The following DLG2 variants were observed in gnomAD, a reference collection of about 807,000 sequenced individuals.
DLG2 encodes the protein discs large MAGUK scaffold protein 2, also known as disks large homolog 2.
A neutral mutation model predicts 132.5 loss-of-function variants in DLG2; 45 were observed. The ratio of observed to expected loss-of-function variants is 0.34; its 90% CI spans 0.27 to 0.44. The LOEUF (loss-of-function observed/expected upper bound fraction) is 0.44. Ranked by LOEUF, DLG2 falls within the 20% of genes least tolerant of loss-of-function variation. The pLI, the probability that DLG2 is intolerant of heterozygous loss-of-function variation, is 1.00. For synonymous variants in DLG2, 424 were observed against 419.6 expected (o/e 1.01, Z -0.13); for missense variants, 1,045 against 1,196.9 (o/e 0.87, Z 1.87).
intron 3 of DLG2, among the ~76,000 whole-genome samples, chr11:85,538,224 C>T (rs902681481): frequency 2.6e-5 from 4 of 152,004 alleles, no homozygotes; most frequent in Non-Finnish European, 4.4e-5. Context: ...CAATTCTAGA[C>T]ACACTATCCC....
At chr11:83,930,595 T>C (rs953453097) in intron 14 of DLG2, 112 bp from the exon 15 acceptor site, 1 of 1,148,110 alleles carries the variant, frequency 8.7e-7, no homozygotes, top group Non-Finnish European at 1.2e-6. Context: ...CCATTTTATC[T>C]TGATTTGTTA....
At position 84,317,466 on chromosome 11, in the gene DLG2, C is replaced by G. The variant is rs574362857; in HGVS notation, c.520-66175G>C. ...CAAGACTGTACACTGTGTTACAAAC[C>G]CTTTTTGGATGGAGCCCTACAGTAA... On this transcript the variant is annotated intron_variant, in intron 7 of 27. Transcript: ENST00000376104. 41 of 786,654 alleles carry G rather than the reference C, an allele frequency of 5.2e-5. No homozygotes were observed. The South Asian group carries it at 1.9e-3, about 36-fold the overall frequency. The allele number at this position is 786,654 out of a possible 1,614,324, so 48.7% of individuals were successfully genotyped here.
At chr11:85,305,802 G>C (rs944356280) in intron 3 of DLG2, among the ~76,000 whole-genome samples, 1 of 152,062 alleles carries the variant, frequency 6.6e-6, no homozygotes, top group Non-Finnish European at 1.5e-5. Flanking sequence ...CGTGAGCCAC[G>C]GCGCCTGGCT....
rs2089267861 is a variant in DLG2 at position 83,457,978 on chromosome 11, CA to C, written c.*1839del. ...ACAATGATGTTTAGCGTAAGATGAA[CA>C]ATGCCTGTTTTTGGAAAGAGACTCT... On this transcript the variant is annotated 3_prime_UTR_variant, in exon 28 of 28. Coordinates refer to ENST00000376104, the MANE Select transcript of DLG2 (RefSeq NM_001142699.3). 1 of 152,608 alleles carries C rather than the reference CA, an allele frequency of 6.6e-6. No individual in the cohort carries two copies. Among genetic ancestry groups the C allele is most frequent in the Non-Finnish European group, 1.5e-5 (1 of 68,036 alleles). 9.5% of individuals were successfully genotyped at this position (152,608 alleles called of 1,614,324 possible).
intron 10 of DLG2, among the ~76,000 whole-genome samples, chr11:84,091,622 T>A (rs1237069157): frequency 6.6e-6 from 1 of 152,258 alleles, no homozygotes; most frequent in Non-Finnish European, 1.5e-5. Flanking sequence ...AGAATTTATA[T>A]GTCTATATTA....
chr11:84,376,735 G>T (rs1054686907), intron 7 of DLG2, among the ~76,000 whole-genome samples: 2 of 151,320 alleles, frequency 1.3e-5, no homozygotes, highest in Non-Finnish European at 3.0e-5. Context: ...ACTCATTTCA[G>T]CACAGGAGGT....
At chr11:84,023,305 A>G (rs1333148181) in intron 11 of DLG2, among the ~76,000 whole-genome samples, 1 of 152,192 alleles carries the variant, frequency 6.6e-6, no homozygotes, top group African/African-American at 2.4e-5. Context: ...CAAAAGTCGA[A>G]GTCATGCTAT....
intron 11 of DLG2, among the ~76,000 whole-genome samples, chr11:83,996,194 G>C (rs61173962): frequency 0.027 from 4,050 of 152,198 alleles, 173 homozygotes; most frequent in African/African-American, 0.093. Flanking sequence ...AAGGAAGACA[G>C]ACAGACAGCA....
At chr11:84,828,285 T>A (rs1256388573) in intron 6 of DLG2, among the ~76,000 whole-genome samples, 1 of 151,820 alleles carries the variant, frequency 6.6e-6, no homozygotes, top group Non-Finnish European at 1.5e-5. Flanking sequence ...ATTTTGTAAC[T>A]TTGGTTCTTA....
At position 83,590,627 on chromosome 11, in the gene DLG2, A is replaced by G. The variant is rs188946896; in HGVS notation, c.1940+42584T>C. Among the ~76,000 whole-genome samples the G allele has an allele frequency of 2.5e-3, 382 of 152,266 alleles. 1 individual carries two copies. Among genetic ancestry groups the G allele is most frequent in the Non-Finnish European group, 4.2e-3 (285 of 68,020 alleles). The stretch of plus-strand genomic sequence containing the variant: ...CATTCAAAAGCTAGCAGAAGGCAAG[A>G]AATAACTAAAATCAGAGCAGAACTG... On this transcript the variant is annotated intron_variant, in intron 19 of 27. Coordinates refer to ENST00000376104, the MANE Select transcript of DLG2 (RefSeq NM_001142699.3).
At chr11:84,681,002 AG>A (rs2153706977) in intron 6 of DLG2, among the ~76,000 whole-genome samples, 1 of 152,318 alleles carries the variant, frequency 6.6e-6, no homozygotes, top group South Asian at 2.1e-4. Context: ...GGCATTAGTC[AG>A]GACACTGGGA....
intron 21 of DLG2, among the ~76,000 whole-genome samples, chr11:83,499,864 T>TAC (rs2094364573): frequency 1.8e-5 from 1 of 56,690 alleles, no homozygotes; most frequent in Non-Finnish European, 3.3e-5. Flanking sequence ...TATATATATA[T>TAC]ATATATATAT....
At chr11:85,440,853 C>T (rs1406228756) in intron 3 of DLG2, among the ~76,000 whole-genome samples, 3 of 152,034 alleles carry the variant, frequency 2.0e-5, no homozygotes, top group East Asian at 1.9e-4. Context: ...AAACATGGGG[C>T]CTAGGCAACC....
intron 5 of DLG2, among the ~76,000 whole-genome samples, chr11:85,146,227 C>CCTCTCTCT (rs35640163): frequency 0.041 from 5,328 of 129,004 alleles, 192 homozygotes; most frequent in Non-Finnish European, 0.051. Context: ...TCTGTTTCTC[C>CCTCTCTCT]CTCTCTCTCT....
At chr11:84,274,090 G>T (rs1270733778) in intron 7 of DLG2, among the ~76,000 whole-genome samples, 1 of 152,116 alleles carries the variant, frequency 6.6e-6, no homozygotes, top group Non-Finnish European at 1.5e-5. Context: ...AAAGAAATAT[G>T]CATGTGCACT....
At chr11:84,771,367 T>C (rs1292407035) in intron 6 of DLG2, among the ~76,000 whole-genome samples, 2 of 152,222 alleles carry the variant, frequency 1.3e-5, no homozygotes, top group Non-Finnish European at 2.9e-5. Flanking sequence ...TCTGTAATGA[T>C]CAATGATACT....
At chr11:84,040,000 T>G (rs1430421728) in intron 11 of DLG2, among the ~76,000 whole-genome samples, 1 of 151,048 alleles carries the variant, frequency 6.6e-6, no homozygotes, top group Non-Finnish European at 1.5e-5. Flanking sequence ...ATGTGTTCTT[T>G]GGCTGCATAA....
chr11:85,577,810 A>G (rs1166647055), intron 3 of DLG2, among the ~76,000 whole-genome samples: 11 of 152,190 alleles, frequency 7.2e-5, no homozygotes, highest in African/African-American at 2.7e-4. Context: ...AAATGGCCAT[A>G]CTACCCAAAG....
intron 11 of DLG2, among the ~76,000 whole-genome samples, chr11:83,981,410 G>A (rs532081764): frequency 3.5e-4 from 53 of 151,884 alleles, no homozygotes; most frequent in Non-Finnish European, 5.9e-4. Flanking sequence ...GGAAAATAAA[G>A]AATAAAAAGA....
Sources: gnomAD v4.1 joint callset for allele counts (sites outside exome capture counted in the v4.1 genomes callset) on GRCh38, gnomAD v4.1.1 for gene constraint, MANE v1.5 for transcripts, NCBI Gene and HGNC (gene_info 2026-07-23, HGNC 2026-07-21) for gene names.